Variants in DNAAF6 observed in about 807,000 individuals in gnomAD.
The protein encoded by DNAAF6 is dynein axonemal assembly factor 6.
DNAAF6 carries 3 observed loss-of-function variants against 13.7 expected under a neutral mutation model. That is an observed-to-expected ratio of 0.22 (90% CI 0.10 to 0.56). DNAAF6 has a LOEUF of 0.56. Among genes scored for constraint, DNAAF6 ranks in the 20% least tolerant of loss-of-function variants. The probability of loss-of-function intolerance (pLI) is 0.92; values close to 1 mark genes in which losing one functional copy is unlikely to be tolerated. For missense variants in DNAAF6, 130 were observed against 151.0 expected (o/e 0.86, Z 0.73); for synonymous variants, 54 against 49.2 (o/e 1.10, Z -0.41).
chrX:107,231,698 G>A (rs138202016), intron 5 of DNAAF6, among the ~76,000 whole-genome samples: 2,090 of 110,129 alleles, frequency 0.019, 66 homozygotes, highest in African/African-American at 0.065. Context: ...ACAATGATAA[G>A]CTGTAGGAAA....
At chrX:107,233,171 G>GATTCCAGTC (rs1475055044) in intron 5 of DNAAF6, among the ~76,000 whole-genome samples, 1 of 112,085 alleles carries the variant, frequency 8.9e-6, no homozygotes, top group African/African-American at 3.2e-5. Flanking sequence ...ATTAGTAAAC[G>GATTCCAGTC]ATTCCAGCAA....
chrX:107,236,208 C>A (rs1323014908), intron 5 of DNAAF6, among the ~76,000 whole-genome samples: 1 of 111,897 alleles, frequency 8.9e-6, no homozygotes, highest in African/African-American at 3.2e-5. Flanking sequence ...AGGTTGAGTT[C>A]TCAGAAGGTT....
At chrX:107,218,390 A>G (rs1402199044) in intron 3 of DNAAF6, among the ~76,000 whole-genome samples, 1 of 112,124 alleles carries the variant, frequency 8.9e-6, no homozygotes, top group Non-Finnish European at 1.9e-5. Context: ...TATAGTAAAA[A>G]CAATGCAAGA....
intron 2 of DNAAF6, 105 bp downstream of exon 2, chrX:107,213,133 T>C: frequency 1.2e-6 from 1 of 802,740 alleles, no homozygotes; most frequent in Non-Finnish European, 1.7e-6. Flanking sequence ...GCTGTGTCAT[T>C]TGATACATTC....
At chrX:107,242,822 C>T (rs1008730255) in intron 6 of DNAAF6, among the ~76,000 whole-genome samples, 1 of 111,951 alleles carries the variant, frequency 8.9e-6, no homozygotes, top group Non-Finnish European at 1.9e-5. Context: ...CCGTCGGCCA[C>T]ATTGCATCTA....
At position 107,212,617 on chromosome X, in the gene DNAAF6, A is replaced by G. The variant is rs560803266; in HGVS notation, c.-3-256A>G. Among the ~76,000 whole-genome samples the G allele has an allele frequency of 9.3e-4, 104 of 112,059 alleles. No homozygotes were observed. In the Middle Eastern group the frequency reaches 0.018, roughly 20 times the overall value. On this transcript the variant is annotated intron_variant, in intron 1 of 6. Coordinates refer to ENST00000372453, the MANE Select transcript of DNAAF6 (RefSeq NM_173494.2). ...ATTAAAACCCGAGAACCACTATACT[A>G]GGTGCTCAATAAGTGCTTGTTAGCT...
intron 2 of DNAAF6, among the ~76,000 whole-genome samples, chrX:107,214,878 C>T (rs1927940854): frequency 8.9e-6 from 1 of 111,862 alleles, no homozygotes; most frequent in African/African-American, 3.2e-5. Flanking sequence ...GCTTCATTTA[C>T]ACTATCCCTT....
rs756352141 is a variant in DNAAF6 at position 107,219,288 on chromosome X, A to C, written c.332+319A>C. Among the ~76,000 whole-genome samples the C allele has an allele frequency of 2.8e-3, 313 of 112,110 alleles. 2 individuals carry two copies. Among genetic ancestry groups the C allele is most frequent in the African/African-American group, 9.6e-3 (297 of 30,958 alleles). On this transcript the variant is annotated intron_variant, in intron 4 of 6. Transcript: ENST00000372453. Reference sequence around the variant, plus strand: ...GAGAAAGCCAGCCCATTAAATTGCAAGCATTCATACAAACTAAATTACAAT... The same window carrying C: ...GAGAAAGCCAGCCCATTAAATTGCACGCATTCATACAAACTAAATTACAAT...
chrX:107,218,947 TG>T lies in DNAAF6; in HGVS notation c.313del (p.Asp105MetfsTer23). 1 of 1,184,018 alleles carries T rather than the reference TG, an allele frequency of 8.4e-7. No individual in the cohort carries two copies. Among genetic ancestry groups the T allele is most frequent in the African/African-American group, 1.8e-5 (1 of 55,967 alleles). On this transcript the variant is annotated frameshift_variant, in exon 4 of 7. Coordinates refer to ENST00000372453, the MANE Select transcript of DNAAF6 (RefSeq NM_173494.2). LOFTEE classifies it high-confidence loss of function. ...AGAAGGAGCAGAATATGATGATATG[TG>T]GGATGTTAGAGAAATCCCAGAGTAA... is the stretch of plus-strand genomic sequence containing the variant. ...IPEGAEYDDM[W>X]DVREIPEYEI... is the part of the protein sequence containing the mutation.
intron 3 of DNAAF6, among the ~76,000 whole-genome samples, chrX:107,218,349 C>A (rs1349109249): frequency 1.8e-5 from 2 of 111,911 alleles, no homozygotes; most frequent in African/African-American, 6.5e-5. Flanking sequence ...TTATGTCATG[C>A]TTGCATGGAA....
intron 1 of DNAAF6, among the ~76,000 whole-genome samples, chrX:107,210,531 G>T (rs1372587023): frequency 2.7e-5 from 3 of 110,555 alleles, no homozygotes; most frequent in Non-Finnish European, 5.7e-5. Context: ...CAATCATCCT[G>T]CCTCGGGCCC....
chrX:107,234,871 T>C (rs1347798850), intron 5 of DNAAF6, among the ~76,000 whole-genome samples: 1 of 112,071 alleles, frequency 8.9e-6, no homozygotes, highest in Non-Finnish European at 1.9e-5. Flanking sequence ...AATATAATTG[T>C]AGACATTTAT....
intron 5 of DNAAF6, among the ~76,000 whole-genome samples, chrX:107,235,752 A>G (rs183532675): frequency 9.1e-6 from 1 of 109,309 alleles, no homozygotes; most frequent in Non-Finnish European, 1.9e-5. Flanking sequence ...GTGGCATAAT[A>G]AATGTTTATT....
At chrX:107,212,615 C>A (rs1362867523) in intron 1 of DNAAF6, among the ~76,000 whole-genome samples, 1 of 111,959 alleles carries the variant, frequency 8.9e-6, no homozygotes, top group Non-Finnish European at 1.9e-5. Flanking sequence ...AACCACTATA[C>A]TAGGTGCTCA....
At chrX:107,222,658 C>A in intron 4 of DNAAF6, 87 bp from the exon 5 acceptor site, 2 of 1,076,816 alleles carry the variant, frequency 1.9e-6, no homozygotes, top group South Asian at 2.8e-5. Context: ...TACCTAATAG[C>A]ATATCCTCAT....
chrX:107,228,795 A>C lies in DNAAF6; in HGVS notation c.429+5954A>C, dbSNP rs183674008. Reference sequence around the variant, plus strand: ...AATGCCCTGCTAATTTTTCTTTTTTATTTTTTGTAGAGACAGGGTCTCATT... The same window carrying C: ...AATGCCCTGCTAATTTTTCTTTTTTCTTTTTTGTAGAGACAGGGTCTCATT... On this transcript the variant is annotated intron_variant, in intron 5 of 6. Transcript: ENST00000372453. Among the ~76,000 whole-genome samples, 489 of 109,625 alleles carry C rather than the reference A, an allele frequency of 4.5e-3. 3 individuals carry two copies. Among genetic ancestry groups the C allele is most frequent in the Non-Finnish European group, 5.1e-3 (269 of 52,574 alleles).
chrX:107,233,513 C>A (rs963991075), intron 5 of DNAAF6, among the ~76,000 whole-genome samples: 2 of 111,430 alleles, frequency 1.8e-5, no homozygotes, highest in Non-Finnish European at 3.8e-5. Context: ...CTCTAGTAAC[C>A]ACCATTCTTC....
At chrX:107,229,125 C>CTTTTTTTTT (rs1569375032) in intron 5 of DNAAF6, among the ~76,000 whole-genome samples, 24 of 57,802 alleles carry the variant, frequency 4.2e-4, no homozygotes, top group African/African-American at 3.2e-3. Flanking sequence ...CTGTTGACTA[C>CTTTTTTTTT]TCTTTTTTTT....
intron 5 of DNAAF6, among the ~76,000 whole-genome samples, chrX:107,225,145 G>A (rs1162430949): frequency 9.2e-6 from 1 of 109,052 alleles, no homozygotes; most frequent in Non-Finnish European, 1.9e-5. Context: ...CGGTAATAAT[G>A]GACTAGTAAG....
Sources: allele counts gnomAD v4.1 joint callset (sites outside exome capture counted in the v4.1 genomes callset), GRCh38; gene constraint gnomAD v4.1.1; transcripts MANE v1.5; gene names NCBI Gene and HGNC (gene_info 2026-07-23, HGNC 2026-07-21).